PCDHA1: variants seen among roughly 807,000 people sequenced by gnomAD.
PCDHA1 encodes protocadherin alpha 1.
Under a neutral mutation model 61.3 loss-of-function variants are expected in PCDHA1, and 42 were observed. The observed-to-expected ratio is 0.69, with a 90% confidence interval of 0.54 to 0.89. The LOEUF is 0.89. Ranked by LOEUF, PCDHA1 falls within the 40% of genes least tolerant of loss-of-function variation. PCDHA1 has a pLI of 0.00. For synonymous variants in PCDHA1, 610 were observed against 553.8 expected (o/e 1.10, Z -1.43); for missense variants, 1,256 against 1,235.3 (o/e 1.02, Z -0.25).
intron 1 of PCDHA1, chr5:140,859,594 C>G (rs2045925164): frequency 6.1e-6 from 1 of 164,452 alleles, no homozygotes; most frequent in Non-Finnish European, 1.3e-5. Context: ...TGGCTCTTAG[C>G]AATTACTTTT....
intron 3 of PCDHA1, among the ~76,000 whole-genome samples, chr5:141,000,421 A>ATATT (rs1265241806): frequency 1.1e-4 from 3 of 27,978 alleles, no homozygotes; most frequent in Non-Finnish European, 1.7e-4. Flanking sequence ...ATATATATAT[A>ATATT]TTTTTTTTTT....
intron 1 of PCDHA1, chr5:140,860,230 A>G (rs1282358261): frequency 6.6e-6 from 1 of 151,076 alleles, no homozygotes; most frequent in Non-Finnish European, 1.5e-5. Context: ...TATATAAGCC[A>G]GGCATGGTGG....
chr5:140,917,041 A>G (rs891465527), intron 1 of PCDHA1, among the ~76,000 whole-genome samples: 11 of 152,096 alleles, frequency 7.2e-5, no homozygotes, highest in Non-Finnish European at 1.6e-4. Flanking sequence ...AGTCCAGCAC[A>G]GTGTTGTTCC....
intron 3 of PCDHA1, among the ~76,000 whole-genome samples, chr5:140,990,610 C>T (rs781969043): frequency 4.6e-5 from 7 of 152,080 alleles, no homozygotes; most frequent in African/African-American, 9.7e-5. Flanking sequence ...AGATGAATAC[C>T]GTAAAGGTCT....
chr5:140,829,430 G>A (rs1554131952), intron 1 of PCDHA1: 2 of 1,613,974 alleles, frequency 1.2e-6, no homozygotes, highest in African/African-American at 1.3e-5. Context: ...GGAGGTGGCC[G>A]ACATGAATGA....
chr5:140,848,247 T>C (rs1581144938), intron 1 of PCDHA1: 2 of 456,006 alleles, frequency 4.4e-6, no homozygotes, highest in East Asian at 3.3e-5. Flanking sequence ...TTTTGCAGAA[T>C]AACTGTGAAA....
chr5:140,870,399 T>C, intron 1 of PCDHA1: 1 of 1,614,196 alleles, frequency 6.2e-7, no homozygotes, highest in Non-Finnish European at 8.5e-7. Flanking sequence ...GGGGTTCGCC[T>C]TCTCTGTGGG....
chr5:140,829,223 G>C (rs1259859685), intron 1 of PCDHA1: 1 of 1,614,124 alleles, frequency 6.2e-7, no homozygotes, highest in Non-Finnish European at 8.5e-7. Context: ...GAACGACCTC[G>C]ATTCAGGTGC....
chr5:140,869,245 A>T (rs782617385), intron 1 of PCDHA1: 14 of 1,613,510 alleles, frequency 8.7e-6, no homozygotes, highest in Non-Finnish European at 1.2e-5. Flanking sequence ...CGTGGGCCGC[A>T]TCGCGCAGGA....
At chr5:140,838,195 A>T (rs1007938593) in intron 1 of PCDHA1, among the ~76,000 whole-genome samples, 4 of 149,564 alleles carry the variant, frequency 2.7e-5, no homozygotes, top group Non-Finnish European at 5.9e-5. Context: ...CTCACTGCAA[A>T]ATCCGCCTCT....
At chr5:140,997,849 T>C (rs1554256029) in intron 3 of PCDHA1, among the ~76,000 whole-genome samples, 1 of 152,208 alleles carries the variant, frequency 6.6e-6, no homozygotes, top group African/African-American at 2.4e-5. Flanking sequence ...TACATTCTTA[T>C]ACATATTTCT....
intron 1 of PCDHA1, chr5:140,829,062 A>G (rs1250772416): frequency 6.2e-7 from 1 of 1,612,838 alleles, no homozygotes; most frequent in South Asian, 1.1e-5. Context: ...GACGCCACGG[A>G]CAAAGGCCAT....
chr5:140,877,303 T>G, intron 1 of PCDHA1: 1 of 1,613,850 alleles, frequency 6.2e-7, no homozygotes, highest in South Asian at 1.1e-5. Flanking sequence ...GTCCTACGAG[T>G]TGCAACCGGC....
intron 1 of PCDHA1, chr5:140,796,248 G>C (rs1762054678): frequency 6.2e-7 from 1 of 1,614,136 alleles, no homozygotes; most frequent in Non-Finnish European, 8.5e-7. Context: ...TGACCGCACG[G>C]GACGGGGGCT....
intron 1 of PCDHA1, among the ~76,000 whole-genome samples, chr5:140,887,550 TACTG>T (rs2061493394): frequency 1.3e-5 from 2 of 152,206 alleles, no homozygotes; most frequent in Non-Finnish European, 2.9e-5. Flanking sequence ...CCCTCATGGT[TACTG>T]TTAAAACTTT....
At chr5:140,801,703 C>CT (rs782435418) in intron 1 of PCDHA1, 36 of 1,614,022 alleles carry the variant, frequency 2.2e-5, no homozygotes, top group Middle Eastern at 1.6e-4. Context: ...TCGTTGTTGA[C>CT]TTACAGTCTT....
chr5:140,914,772 C>T lies in PCDHA1; in HGVS notation c.2395-64177C>T, dbSNP rs143748722. On this transcript the variant is annotated intron_variant, in intron 1 of 3. Transcript: ENST00000504120. ...ATTTGAGGTTACATGAGGTTTATGA[C>T]TTATCTTATGACCCATTATTTTAAA... Among the ~76,000 whole-genome samples, 1,217 of 151,940 alleles carry T rather than the reference C, an allele frequency of 8.0e-3. 6 individuals are homozygous for T. The highest frequency in any genetic ancestry group is 0.019 in the African/African-American group (786 of 41,464).
At position 140,941,246 on chromosome 5, in the gene PCDHA1, T is replaced by TCCTTC. The variant is rs1465255424; in HGVS notation, c.2395-37702_2395-37701insCTTCC. Among the ~76,000 whole-genome samples, 4 of 141,078 alleles carry TCCTTC rather than the reference T, an allele frequency of 2.8e-5. No individual in the cohort carries two copies. In the East Asian group the frequency reaches 8.2e-4, roughly 29 times the overall value. 92.6% of individuals were successfully genotyped at this position (141,078 alleles called of 152,430 possible). On this transcript the variant is annotated intron_variant, in intron 1 of 3. Coordinates refer to ENST00000504120, the MANE Select transcript of PCDHA1 (RefSeq NM_018900.4). Reference sequence around the variant, plus strand: ...TTCTTTCTTTCTTTCTTTCTTTCTTTCTTTCTTTCTCTTTCTTTCTTTCTT... The same window carrying TCCTTC: ...TTCTTTCTTTCTTTCTTTCTTTCTTTCCTTCCTTTCTTTCTCTTTCTTTCTTTCTT...
chr5:140,918,680 C>A (rs1291001659), intron 1 of PCDHA1, among the ~76,000 whole-genome samples: 2 of 152,084 alleles, frequency 1.3e-5, no homozygotes, highest in Admixed American at 1.3e-4. Flanking sequence ...GAGGTGAGAC[C>A]TTTCAAACAT....
Sources: gnomAD v4.1 joint callset for allele counts (sites outside exome capture counted in the v4.1 genomes callset) on GRCh38, gnomAD v4.1.1 for gene constraint, MANE v1.5 for transcripts, NCBI Gene and HGNC (gene_info 2026-07-23, HGNC 2026-07-21) for gene names.